The following MOV10L1 variants were observed in gnomAD, a reference collection of about 807,000 sequenced individuals.
MOV10L1 encodes Mov10 like RNA helicase 1.
A neutral mutation model predicts 143.8 loss-of-function variants in MOV10L1; 110 were observed. The observed-to-expected ratio is 0.76, with a 90% CI of 0.66 to 0.90. The LOEUF (loss-of-function observed/expected upper bound fraction) is 0.90, where lower values mean the gene tolerates loss of function less well. Ranked by LOEUF, MOV10L1 falls within the 40% of genes least tolerant of loss-of-function variation. The pLI is 0.00. For missense variants in MOV10L1, 1,406 were observed against 1,526.8 expected (o/e 0.92, Z 1.32); for synonymous variants, 593 against 581.1 (o/e 1.02, Z -0.29).
chr22:50,131,856 C>G (rs889838401), intron 13 of MOV10L1, among the ~76,000 whole-genome samples: 2 of 152,192 alleles, frequency 1.3e-5, no homozygotes, highest in Non-Finnish European at 2.9e-5. Context: ...TTAGTACACT[C>G]AGGCTGCATT....
chr22:50,150,599 C>T (rs1234292534), intron 20 of MOV10L1, 136 bp from the exon 21 acceptor site: 2 of 991,166 alleles, frequency 2.0e-6, no homozygotes, highest in South Asian at 3.3e-5. Flanking sequence ...TCCCTGGTCT[C>T]CCAGTCCCTC....
Position 50,113,782 on chromosome 22 carries a change from G to A in MOV10L1, c.878G>A (p.Trp293Ter). Residue 293 changes from tryptophan (W) to a stop codon, truncating the protein, a stop_gained, in exon 6 of 27, where the codon TGG becomes TAG. Transcript: ENST00000262794. LOFTEE classifies it high-confidence loss of function. ...KEGRSKTMVI[W>*]IENKGDIPQN... is the part of the protein sequence containing the mutation. ...GGAAGAAGTAAAACCATGGTGATCT[G>A]GATAGAGTGAGTTTGCCACTGAAAC... 6.3e-7 allele frequency: 1 copy of A among 1,598,820 alleles called. No homozygotes were observed. The highest frequency in any genetic ancestry group is 8.5e-7 in the Non-Finnish European group (1 of 1,172,844).
At chr22:50,099,683 C>T (rs2062686683) in intron 3 of MOV10L1, 81 bp downstream of exon 3, 27 of 1,483,338 alleles carry the variant, frequency 1.8e-5, no homozygotes, top group South Asian at 3.8e-5. Flanking sequence ...CACGGTGGCT[C>T]ATGCCTATAA....
intron 17 of MOV10L1, 113 bp from the exon 18 acceptor site, chr22:50,143,984 G>C (rs2063063529): frequency 1.2e-5 from 17 of 1,375,414 alleles, no homozygotes; most frequent in Non-Finnish European, 1.6e-5. Context: ...GCTGGCATCT[G>C]AGCCCATGCA....
intron 24 of MOV10L1, 54 bp from the exon 25 acceptor site, chr22:50,160,634 C>A: frequency 6.4e-7 from 1 of 1,568,912 alleles, no homozygotes; most frequent in Non-Finnish European, 8.7e-7. Context: ...AGTTTCTCTT[C>A]ATGCCCCCCA....
intron 13 of MOV10L1, 107 bp downstream of exon 13, chr22:50,128,614 G>A (rs571928057): frequency 6.9e-5 from 44 of 641,270 alleles, no homozygotes; most frequent in Admixed American, 6.4e-5. Flanking sequence ...GCGCAATCTC[G>A]GCTCACTGCA....
Position 50,142,082 on chromosome 22 carries a change from A to G in MOV10L1, c.2072A>G (p.Asn691Ser), listed in dbSNP as rs374731675. 1 of 1,606,534 alleles carries G rather than the reference A, an allele frequency of 6.2e-7. No homozygotes were observed. The highest frequency in any genetic ancestry group is 8.5e-7 in the Non-Finnish European group (1 of 1,177,864). The change falls in exon 16 of 27, where the codon AAT (asparagine) becomes AGT (serine). Residue 691 changes from asparagine to serine, a missense_variant and splice_region_variant. Transcript: ENST00000262794. ...ATTTTTCTGCCTGATAATTTCTAGAATAGGAAAACAATGACGGACCAAGCT... is the reference window on the plus strand; with the variant it reads ...ATTTTTCTGCCTGATAATTTCTAGAGTAGGAAAACAATGACGGACCAAGCT... Reference protein sequence around the residue: ...KSSGQSTSKKNRKTMTDQAEH... With the variant: ...KSSGQSTSKKSRKTMTDQAEH...
chr22:50,092,007 C>G lies in MOV10L1; in HGVS notation c.104C>G (p.Thr35Ser). The G allele has an allele frequency of 6.2e-7, 1 of 1,613,218 alleles. No homozygotes were observed. Reference sequence around the variant, plus strand: ...CTTTGTTTACCTACCTCAGGTGACACTAAGCTGAAAACTGTACGGGGTGTC... The same window carrying G: ...CTTTGTTTACCTACCTCAGGTGACAGTAAGCTGAAAACTGTACGGGGTGTC... ...QLEPELAEGD[T>S]KLKTVRGVVT... The change falls in exon 2 of 27, where the codon ACT (threonine) becomes AGT (serine). Residue 35 changes from threonine to serine, a missense_variant. By Grantham distance (58) the Thr-to-Ser change is moderately conservative (BLOSUM62 1). Around this residue, in one of 3 missense-constraint regions of MOV10L1, gnomAD observed 166 missense variants for 153.9 expected, o/e 1.08. Transcript: ENST00000262794.
At chr22:50,099,692 A>C in intron 3 of MOV10L1, 90 bp downstream of exon 3, 1 of 1,431,672 alleles carries the variant, frequency 7.0e-7, no homozygotes, top group Non-Finnish European at 9.5e-7. Flanking sequence ...TCATGCCTAT[A>C]ATCCCAGCAC....
chr22:50,092,471 A>G (rs1320750693), intron 2 of MOV10L1, among the ~76,000 whole-genome samples: 1 of 152,106 alleles, frequency 6.6e-6, no homozygotes, highest in Non-Finnish European at 1.5e-5. Context: ...GTGTCTACAA[A>G]AAAAAAACCC....
chr22:50,111,660 T>C (rs966948402), intron 5 of MOV10L1, among the ~76,000 whole-genome samples: 2 of 151,778 alleles, frequency 1.3e-5, no homozygotes. Flanking sequence ...CCTGCCACCA[T>C]GCCTGGCTAA....
At chr22:50,107,229 C>G (rs918417188) in intron 3 of MOV10L1, among the ~76,000 whole-genome samples, 1 of 151,508 alleles carries the variant, frequency 6.6e-6, no homozygotes, top group Non-Finnish European at 1.5e-5. Context: ...CGCCTACCAC[C>G]GCTCCCAGCT....
intron 1 of MOV10L1, chr22:50,090,912 G>A (rs941612671): frequency 2.6e-5 from 6 of 234,832 alleles, no homozygotes; most frequent in Middle Eastern, 1.8e-3. Context: ...CTGATCTCAG[G>A]TGACCCACCC....
At chr22:50,148,857 G>C (rs1265138743) in intron 19 of MOV10L1, among the ~76,000 whole-genome samples, 1 of 152,044 alleles carries the variant, frequency 6.6e-6, no homozygotes, top group Non-Finnish European at 1.5e-5. Flanking sequence ...GTAGAGACGG[G>C]GTTTCACCGT....
At chr22:50,121,926 G>A (rs570077045) in intron 10 of MOV10L1, among the ~76,000 whole-genome samples, 22 of 152,282 alleles carry the variant, frequency 1.4e-4, no homozygotes, top group Non-Finnish European at 2.4e-4. Context: ...ATTTTAAGAT[G>A]CATTTTTCTA....
At chr22:50,093,758 ACCTCGG>A (rs1023655510) in intron 2 of MOV10L1, 12 of 152,278 alleles carry the variant, frequency 7.9e-5, no homozygotes, top group African/African-American at 2.9e-4. Context: ...TGGTCCTTCC[ACCTCGG>A]CCTCCCAAAG....
At chr22:50,099,690 A>G (rs761783656) in intron 3 of MOV10L1, 88 bp downstream of exon 3, 107 of 1,436,346 alleles carry the variant, frequency 7.4e-5, no homozygotes, top group Non-Finnish European at 9.3e-5. Context: ...GCTCATGCCT[A>G]TAATCCCAGC....
At chr22:50,127,803 C>A (rs2062554834) in intron 12 of MOV10L1, among the ~76,000 whole-genome samples, 1 of 149,342 alleles carries the variant, frequency 6.7e-6, no homozygotes. Flanking sequence ...GATGGATTCT[C>A]ACTCTGTCAC....
At chr22:50,160,573 A>T (rs2063532528) in intron 24 of MOV10L1, 115 bp from the exon 25 acceptor site, 2 of 1,366,894 alleles carry the variant, frequency 1.5e-6, no homozygotes, top group Admixed American at 2.5e-5. Context: ...TTTGAACCAA[A>T]AATGAGGTCA....
Sources: allele counts gnomAD v4.1 joint callset (sites outside exome capture counted in the v4.1 genomes callset), GRCh38; gene constraint gnomAD v4.1.1; regional missense constraint gnomAD v4.1.1; transcripts MANE v1.5; gene names NCBI Gene and HGNC (gene_info 2026-07-23, HGNC 2026-07-21).